The following CCDC6 variants were observed in gnomAD, a reference collection of about 807,000 sequenced individuals.
The protein encoded by CCDC6 is coiled-coil domain containing 6, also known as coiled-coil domain-containing protein 6.
CCDC6 carries 20 observed loss-of-function variants against 56.6 expected under a neutral mutation model. The ratio of observed to expected loss-of-function variants is 0.35; its 90% confidence interval spans 0.25 to 0.51. The LOEUF (loss-of-function observed/expected upper bound fraction) is 0.51, where lower values mean the gene tolerates loss of function less well. Among genes scored for constraint, CCDC6 ranks in the 20% least tolerant of loss-of-function variants. CCDC6 has a pLI of 0.95. For missense variants in CCDC6, 367 were observed against 601.1 expected (o/e 0.61, Z 4.07); for synonymous variants, 241 against 234.4 (o/e 1.03, Z -0.26).
chr10:59,812,814 T>G lies in CCDC6; in HGVS notation c.687-19A>C. The G allele has an allele frequency of 6.4e-7, 1 of 1,570,622 alleles. No homozygotes were observed. The highest frequency in any genetic ancestry group is 1.2e-5 in the South Asian group (1 of 85,164). ...CAGGATTCTTCATTGAAAAGAAAAATTCCAACAATGACTAACAGTTTTCCT... is the reference window on the plus strand; with the variant it reads ...CAGGATTCTTCATTGAAAAGAAAAAGTCCAACAATGACTAACAGTTTTCCT... On this transcript the variant is annotated intron_variant, in intron 4 of 8. Coordinates refer to ENST00000263102, the MANE Select transcript of CCDC6 (RefSeq NM_005436.5).
rs774214839 is a variant in CCDC6, at chr10:59,804,491, A to G, written c.1034T>C (p.Leu345Ser). ...CGGGCTGGACACAGTGCGAGGTCTT[A>G]ATCCTTGTGCAGACATCTCATTAAA... ...RYFNEMSAQG[L>S]RPRTVSSPIP... Residue 345 changes from leucine to serine, a missense_variant, in exon 7 of 9, where the codon TTA (leucine) becomes TCA (serine). Leu to Ser is a moderately radical substitution (Grantham distance 145, BLOSUM62 -2). Coordinates refer to ENST00000263102, the MANE Select transcript of CCDC6 (RefSeq NM_005436.5). 6.2e-7 allele frequency: 1 copy of G among 1,612,390 alleles called. No homozygotes were observed. Among genetic ancestry groups the G allele is most frequent in the Non-Finnish European group, 8.5e-7 (1 of 1,178,406 alleles).
At chr10:59,900,921 G>T (rs974525699) in intron 1 of CCDC6, among the ~76,000 whole-genome samples, 2 of 152,118 alleles carry the variant, frequency 1.3e-5, no homozygotes, top group African/African-American at 2.4e-5. Flanking sequence ...AGGTGGGCAT[G>T]GTGGCGCATG....
chr10:59,880,053 G>A (rs746471512), intron 1 of CCDC6, among the ~76,000 whole-genome samples: 3 of 152,042 alleles, frequency 2.0e-5, no homozygotes, highest in Admixed American at 6.5e-5. Flanking sequence ...ATCTATAAGA[G>A]AAAATGTCTC....
intron 1 of CCDC6, among the ~76,000 whole-genome samples, chr10:59,876,174 T>C (rs2132671935): frequency 6.8e-6 from 1 of 147,866 alleles, no homozygotes; most frequent in East Asian, 2.1e-4. Flanking sequence ...TCAGCTTCCC[T>C]AGTAGCTGGT....
chr10:59,794,389 A>G lies in CCDC6; in HGVS notation c.1230+84T>C. ...GAGGCAGGAAGAAGGGCAAATGTCTAAGGGCACCGATCCTGTTCTCCAGAA... is the reference window on the plus strand; with the variant it reads ...GAGGCAGGAAGAAGGGCAAATGTCTGAGGGCACCGATCCTGTTCTCCAGAA... On this transcript the variant is annotated intron_variant, in intron 8 of 8. Transcript: ENST00000263102. 2.8e-6 allele frequency: 4 copies of G among 1,411,136 alleles called. No individual in the cohort carries two copies. The South Asian group carries it at 3.7e-5, about 13-fold the overall frequency. 87.4% of individuals were successfully genotyped at this position (1,411,136 alleles called of 1,614,324 possible).
At chr10:59,898,128 G>C (rs1340640942) in intron 1 of CCDC6, among the ~76,000 whole-genome samples, 1 of 152,044 alleles carries the variant, frequency 6.6e-6, no homozygotes, top group Non-Finnish European at 1.5e-5. Flanking sequence ...GATAGTTTCG[G>C]ATTAAAAACT....
intron 5 of CCDC6, among the ~76,000 whole-genome samples, chr10:59,809,476 A>T (rs1230849013): frequency 6.6e-6 from 1 of 152,150 alleles, no homozygotes; most frequent in Non-Finnish European, 1.5e-5. Context: ...AGGCACAGAG[A>T]AGGCACCAGG....
intron 1 of CCDC6, among the ~76,000 whole-genome samples, chr10:59,865,456 G>A (rs909731553): frequency 1.3e-5 from 2 of 152,062 alleles, no homozygotes; most frequent in South Asian, 2.1e-4. Context: ...AATCTTAAAG[G>A]AAATTAAAAA....
At chr10:59,883,007 C>T (rs1444071993) in intron 1 of CCDC6, among the ~76,000 whole-genome samples, 3 of 150,078 alleles carry the variant, frequency 2.0e-5, no homozygotes, top group African/African-American at 7.5e-5. Context: ...GGGTGTTTAC[C>T]GTATTGATCG....
At chr10:59,802,257 T>C (rs1205215588) in intron 7 of CCDC6, among the ~76,000 whole-genome samples, 2 of 152,204 alleles carry the variant, frequency 1.3e-5, no homozygotes, top group African/African-American at 2.4e-5. Flanking sequence ...TAATTGCCAA[T>C]ATTTCAACAA....
At chr10:59,815,617 A>G (rs1301015715) in intron 3 of CCDC6, among the ~76,000 whole-genome samples, 2 of 152,192 alleles carry the variant, frequency 1.3e-5, no homozygotes, top group Non-Finnish European at 2.9e-5. Context: ...TGAAAGTGCA[A>G]GAGGTTTCAT....
chr10:59,797,307 T>A lies in CCDC6; in HGVS notation c.1106-2710A>T, dbSNP rs553831220. Among the ~76,000 whole-genome samples the A allele has an allele frequency of 4.6e-5, 7 of 152,176 alleles. No homozygotes were observed. The South Asian group carries it at 1.5e-3, about 32-fold the overall frequency. On this transcript the variant is annotated intron_variant, in intron 7 of 8. Transcript: ENST00000263102. ...TACAGAGAGTTGCTGCACAACATTA[T>A]ACTACAGTTAACAGTACTGTATTGT... is the stretch of plus-strand genomic sequence containing the variant.
intron 1 of CCDC6, among the ~76,000 whole-genome samples, chr10:59,889,055 G>T (rs1004363764): frequency 6.6e-6 from 1 of 151,940 alleles, no homozygotes; most frequent in Non-Finnish European, 1.5e-5. Context: ...GGGGACCCAC[G>T]CACGCTTCAC....
chr10:59,877,938 T>C (rs1042705444), intron 1 of CCDC6, among the ~76,000 whole-genome samples: 5 of 152,170 alleles, frequency 3.3e-5, no homozygotes, highest in African/African-American at 1.2e-4. Flanking sequence ...GAGAAAATAC[T>C]AAAAACCTGT....
chr10:59,892,634 C>T (rs2071431203), intron 1 of CCDC6, among the ~76,000 whole-genome samples: 1 of 152,142 alleles, frequency 6.6e-6, no homozygotes, highest in African/African-American at 2.4e-5. Flanking sequence ...TGGGGAAGTA[C>T]TAATAATAGT....
At chr10:59,865,569 T>C (rs539614686) in intron 1 of CCDC6, among the ~76,000 whole-genome samples, 3 of 152,240 alleles carry the variant, frequency 2.0e-5, no homozygotes, top group South Asian at 4.1e-4. Flanking sequence ...AGAATATGAT[T>C]CTAGCTGGGC....
chr10:59,858,804 T>C (rs150272239), intron 1 of CCDC6, among the ~76,000 whole-genome samples: 301 of 152,350 alleles, frequency 2.0e-3, no homozygotes, highest in Non-Finnish European at 2.7e-3. Context: ...GCTAAATGTT[T>C]ACGCTGGATT....
At chr10:59,898,437 G>A (rs746156101) in intron 1 of CCDC6, among the ~76,000 whole-genome samples, 2 of 152,224 alleles carry the variant, frequency 1.3e-5, no homozygotes, top group Non-Finnish European at 2.9e-5. Flanking sequence ...GATATTCACA[G>A]AGATAGATGA....
At chr10:59,830,197 A>G (rs1179683039) in intron 3 of CCDC6, among the ~76,000 whole-genome samples, 1 of 152,214 alleles carries the variant, frequency 6.6e-6, no homozygotes, top group Non-Finnish European at 1.5e-5. Context: ...CTACATGTAA[A>G]TCATGATAAG....
Sources: gnomAD v4.1 joint callset for allele counts (sites outside exome capture counted in the v4.1 genomes callset) on GRCh38, gnomAD v4.1.1 for gene constraint, MANE v1.5 for transcripts, NCBI Gene and HGNC (gene_info 2026-07-23, HGNC 2026-07-21) for gene names.